The following SLC38A12 variants were observed in gnomAD, a reference collection of about 807,000 sequenced individuals.
SLC38A12 encodes solute carrier family 38 member 12.
chr17:74,819,940 G>A, the SLC38A12 span: 8 of 1,119,516 alleles, frequency 7.1e-6, no homozygotes, highest in Non-Finnish European at 1.1e-5. Context: ...GCCGTAGCTG[G>A]AGTGTGGTGG....
the SLC38A12 span, chr17:74,785,423 C>A: frequency 6.3e-7 from 1 of 1,579,550 alleles, no homozygotes. Flanking sequence ...TCCTTGGGAG[C>A]TGTTAAGGGG....
the SLC38A12 span, among the ~76,000 whole-genome samples, chr17:74,796,024 G>A: frequency 1.3e-5 from 2 of 152,182 alleles, no homozygotes; most frequent in Non-Finnish European, 2.9e-5. Flanking sequence ...AAGAGCATAT[G>A]GTTCGATGCT....
At chr17:74,795,093 C>G in the SLC38A12 span, 1 of 1,614,150 alleles carries the variant, frequency 6.2e-7, no homozygotes, top group Non-Finnish European at 8.5e-7. Flanking sequence ...GTGCCCTTCT[C>G]CCTCATGCAG....
the SLC38A12 span, among the ~76,000 whole-genome samples, chr17:74,796,408 A>AGCAGGGAG: frequency 6.6e-6 from 1 of 152,162 alleles, no homozygotes; most frequent in Admixed American, 6.5e-5. Flanking sequence ...GCTGATTTGG[A>AGCAGGGAG]GCAGGGAGGC....
At chr17:74,802,290 C>T in the SLC38A12 span, among the ~76,000 whole-genome samples, 1 of 152,178 alleles carries the variant, frequency 6.6e-6, no homozygotes, top group Non-Finnish European at 1.5e-5. Flanking sequence ...TTGGCCAATA[C>T]CTATGCGCCA....
At chr17:74,790,750 C>G in the SLC38A12 span, among the ~76,000 whole-genome samples, 1 of 146,276 alleles carries the variant, frequency 6.8e-6, no homozygotes, top group Admixed American at 6.9e-5. Context: ...TTCACCCCAG[C>G]AGGAGCATCT....
the SLC38A12 span, among the ~76,000 whole-genome samples, chr17:74,824,660 C>T: frequency 4.3e-3 from 653 of 152,276 alleles, 5 homozygotes; most frequent in African/African-American, 0.015. Context: ...CCTGGGCTGC[C>T]GAGGACCGCA....
At chr17:74,829,685 C>T in the SLC38A12 span, among the ~76,000 whole-genome samples, 3 of 152,134 alleles carry the variant, frequency 2.0e-5, no homozygotes, top group Non-Finnish European at 2.9e-5. This position sits in a 1 kb window ranked among gnomAD's most constrained non-coding sequence, Gnocchi z 4.1. Context: ...ATCGCATGCT[C>T]ATGGGGAAAG....
the SLC38A12 span, among the ~76,000 whole-genome samples, chr17:74,792,100 C>T: frequency 6.6e-6 from 1 of 151,238 alleles, no homozygotes; most frequent in Admixed American, 6.6e-5. Context: ...GAGCCAAGAT[C>T]GCGCCACTGC....
chr17:74,792,619 A>G, the SLC38A12 span, among the ~76,000 whole-genome samples: 2 of 152,106 alleles, frequency 1.3e-5, no homozygotes, highest in Non-Finnish European at 2.9e-5. Flanking sequence ...GGGCTGCCCT[A>G]CCAGTTCTTT....
chr17:74,815,883 C>T, the SLC38A12 span, among the ~76,000 whole-genome samples: 1 of 152,188 alleles, frequency 6.6e-6, no homozygotes, highest in Admixed American at 6.5e-5. Flanking sequence ...TACCCAGATG[C>T]CAGGCTGCTC....
At chr17:74,783,640 C>G in the SLC38A12 span, among the ~76,000 whole-genome samples, 4 of 151,930 alleles carry the variant, frequency 2.6e-5, no homozygotes, top group African/African-American at 9.7e-5. Flanking sequence ...CCTGTCTTCT[C>G]TAACCACTGC....
the SLC38A12 span, among the ~76,000 whole-genome samples, chr17:74,825,040 G>A: frequency 3.3e-5 from 5 of 152,190 alleles, no homozygotes; most frequent in African/African-American, 7.2e-5. Context: ...CAGGGGTCTC[G>A]TGTCTGGGCC....
At chr17:74,829,883 C>T in the SLC38A12 span, among the ~76,000 whole-genome samples, 2 of 152,224 alleles carry the variant, frequency 1.3e-5, 1 homozygote, top group African/African-American at 4.8e-5. The surrounding 1 kb of genome is among the most constrained non-coding windows in gnomAD (Gnocchi z 4.1). Context: ...GAGTCCTGCC[C>T]AGGCCTCACA....
At chr17:74,822,913 C>T in the SLC38A12 span, among the ~76,000 whole-genome samples, 2 of 152,232 alleles carry the variant, frequency 1.3e-5, no homozygotes, top group Admixed American at 6.5e-5. Context: ...ACAAAACTGG[C>T]AGCCCCTTTT....
At chr17:74,789,185 G>T in the SLC38A12 span, among the ~76,000 whole-genome samples, 1 of 152,136 alleles carries the variant, frequency 6.6e-6, no homozygotes, top group Non-Finnish European at 1.5e-5. Flanking sequence ...CTCTAATGGG[G>T]CAGCATAGCT....
the SLC38A12 span, among the ~76,000 whole-genome samples, chr17:74,786,937 A>G: frequency 1.3e-5 from 2 of 152,096 alleles, no homozygotes; most frequent in Admixed American, 6.5e-5. Flanking sequence ...GGCAGGGGGT[A>G]CCACACCCCG....
the SLC38A12 span, among the ~76,000 whole-genome samples, chr17:74,809,145 T>A: frequency 6.6e-6 from 1 of 152,154 alleles, no homozygotes; most frequent in African/African-American, 2.4e-5. Flanking sequence ...GTCATTTACG[T>A]AGGGGTACGG....
At chr17:74,796,901 C>T in the SLC38A12 span, among the ~76,000 whole-genome samples, 225 of 152,332 alleles carry the variant, frequency 1.5e-3, no homozygotes, top group African/African-American at 4.8e-3. Flanking sequence ...CAAACCATGA[C>T]TGACAAAATT....
Sources: allele counts gnomAD v4.1 joint callset (sites outside exome capture counted in the v4.1 genomes callset), GRCh38; gene constraint gnomAD v4.1.1; non-coding constraint Gnocchi (gnomAD v3.1); transcripts MANE v1.5; gene names NCBI Gene and HGNC (gene_info 2026-07-23, HGNC 2026-07-21).